The following SLC24A2 variants were observed in gnomAD, a reference collection of about 807,000 sequenced individuals.
SLC24A2 encodes the protein solute carrier family 24 member 2, also known as sodium/potassium/calcium exchanger 2.
In SLC24A2, 36 loss-of-function variants were observed where a neutral mutation model predicts 62.0. That is an observed-to-expected ratio of 0.58 (90% CI 0.44 to 0.77). SLC24A2 has a LOEUF of 0.77. SLC24A2 is among the 30% of genes least tolerant of loss of function. The pLI, the probability that SLC24A2 is intolerant of heterozygous loss-of-function variation, is 0.00. For synonymous variants in SLC24A2, 358 were observed against 294.0 expected, an observed-to-expected ratio of 1.22 and a Z score of -2.23; for missense variants, 846 against 817.9, an observed-to-expected ratio of 1.03 and a Z score of -0.42.
chr9:19,907,466 GT>G, the SLC24A2 span, among the ~76,000 whole-genome samples: 1 of 152,208 alleles, frequency 6.6e-6, no homozygotes, highest in South Asian at 2.1e-4. Context: ...AGTGTTGGAA[GT>G]TCTAGCCAGG....
intron 2 of SLC24A2, among the ~76,000 whole-genome samples, chr9:19,713,743 C>T (rs1475160569): frequency 6.6e-6 from 1 of 152,100 alleles, no homozygotes; most frequent in Non-Finnish European, 1.5e-5. Context: ...GAAATTTAAT[C>T]ATGTGCTGAA....
the SLC24A2 span, among the ~76,000 whole-genome samples, chr9:19,955,835 C>G: frequency 6.6e-6 from 1 of 152,174 alleles, no homozygotes; most frequent in Non-Finnish European, 1.5e-5. Context: ...TAGTTACTAT[C>G]TTCTTTTCTT....
chr9:20,106,981 G>C, the SLC24A2 span, among the ~76,000 whole-genome samples: 1 of 152,194 alleles, frequency 6.6e-6, no homozygotes, highest in Non-Finnish European at 1.5e-5. Flanking sequence ...TCCTTAAGCT[G>C]ATAAGCAACT....
At chr9:20,027,501 A>G in the SLC24A2 span, among the ~76,000 whole-genome samples, 8 of 152,198 alleles carry the variant, frequency 5.3e-5, no homozygotes, top group Non-Finnish European at 1.0e-4. Flanking sequence ...TGTTTGTGAC[A>G]ATATTGATGA....
At chr9:20,078,994 C>T in the SLC24A2 span, among the ~76,000 whole-genome samples, 1 of 152,090 alleles carries the variant, frequency 6.6e-6, no homozygotes, top group Non-Finnish European at 1.5e-5. Flanking sequence ...GTATGCTAAC[C>T]CCTAGAACAT....
the SLC24A2 span, among the ~76,000 whole-genome samples, chr9:19,821,552 G>A: frequency 3.3e-5 from 5 of 152,230 alleles, no homozygotes; most frequent in East Asian, 9.6e-4. Flanking sequence ...AACTTCTGAA[G>A]TCTTAATGAT....
chr9:20,056,413 C>T, the SLC24A2 span, among the ~76,000 whole-genome samples: 1 of 152,188 alleles, frequency 6.6e-6, no homozygotes, highest in Non-Finnish European at 1.5e-5. Flanking sequence ...TCATGACCAT[C>T]TGCAAAATAC....
At chr9:19,642,065 G>A (rs541455997) in intron 2 of SLC24A2, among the ~76,000 whole-genome samples, 1 of 152,266 alleles carries the variant, frequency 6.6e-6, no homozygotes, top group African/African-American at 2.4e-5. Context: ...GGAAGTGTGT[G>A]TGAGTAGGAG....
chr9:19,596,941 G>A lies in SLC24A2; in HGVS notation c.1129+288C>T, dbSNP rs535692729. Reference sequence around the variant, plus strand: ...TGAGCATGTGGGGGAAAGTACTGGCGCAGTGGGTATTTGTGTTTACATTAC... The same window carrying A: ...TGAGCATGTGGGGGAAAGTACTGGCACAGTGGGTATTTGTGTTTACATTAC... On this transcript the variant is annotated intron_variant, in intron 5 of 10. Coordinates refer to ENST00000341998, the MANE Select transcript of SLC24A2 (RefSeq NM_020344.4). Among the ~76,000 whole-genome samples the A allele has an allele frequency of 2.1e-3, 324 of 152,276 alleles. 1 individual carries two copies. Among genetic ancestry groups the A allele is most frequent in the South Asian group, 5.2e-3 (25 of 4,818 alleles).
chr9:20,227,626 A>G, the SLC24A2 span, among the ~76,000 whole-genome samples: 5 of 152,024 alleles, frequency 3.3e-5, no homozygotes, highest in African/African-American at 9.7e-5. Context: ...ATATAACAAA[A>G]ATAGTGTCTC....
At chr9:19,697,021 T>C (rs904475604) in intron 2 of SLC24A2, among the ~76,000 whole-genome samples, 1 of 152,096 alleles carries the variant, frequency 6.6e-6, no homozygotes, top group Non-Finnish European at 1.5e-5. Flanking sequence ...ATACTAAGCA[T>C]TGGGGTAAAT....
At chr9:19,709,672 G>A (rs56328301) in intron 2 of SLC24A2, among the ~76,000 whole-genome samples, 27,068 of 147,750 alleles carry the variant, frequency 0.18, 2,667 homozygotes, top group Middle Eastern at 0.24. Context: ...ACCAAACACC[G>A]CATGTTCTCA....
At chr9:20,194,192 T>C in the SLC24A2 span, among the ~76,000 whole-genome samples, 1 of 152,164 alleles carries the variant, frequency 6.6e-6, no homozygotes, top group South Asian at 2.1e-4. Flanking sequence ...CTTTTAAGCA[T>C]GTCATGAAAA....
At chr9:19,569,655 C>T (rs1835783255) in intron 7 of SLC24A2, among the ~76,000 whole-genome samples, 1 of 152,134 alleles carries the variant, frequency 6.6e-6, no homozygotes, top group African/African-American at 2.4e-5. Flanking sequence ...CACCGTGGCG[C>T]CAGGGATCTT....
the SLC24A2 span, among the ~76,000 whole-genome samples, chr9:19,843,986 A>G: frequency 3.9e-5 from 6 of 152,194 alleles, no homozygotes; most frequent in Non-Finnish European, 7.3e-5. Flanking sequence ...CAGTGAACGT[A>G]CGAGTGCATG....
the SLC24A2 span, among the ~76,000 whole-genome samples, chr9:20,115,485 C>A: frequency 6.6e-6 from 1 of 152,056 alleles, no homozygotes; most frequent in Non-Finnish European, 1.5e-5. Flanking sequence ...CCTCCAATTT[C>A]CTTTAATTCA....
chr9:19,916,954 T>C, the SLC24A2 span, among the ~76,000 whole-genome samples: 2 of 150,824 alleles, frequency 1.3e-5, no homozygotes, highest in African/African-American at 4.8e-5. Flanking sequence ...TCCAAGTTCT[T>C]TATGTATAGG....
At chr9:19,821,166 C>A in the SLC24A2 span, among the ~76,000 whole-genome samples, 9 of 151,864 alleles carry the variant, frequency 5.9e-5, no homozygotes, top group African/African-American at 2.2e-4. Context: ...CAGAGTCATG[C>A]CTATTTGTAC....
Position 19,511,617 on chromosome 9 carries a change from G to C in SLC24A2, c.*4536C>G, listed in dbSNP as rs1832719983. ...AATTGAAGACAGTATTGTTGAGACA[G>C]GTATAGGGGTTGAGGAGGTATCTTT... On this transcript the variant is annotated 3_prime_UTR_variant, in exon 11 of 11. Transcript: ENST00000341998. 1 of 152,144 alleles carries C rather than the reference G, an allele frequency of 6.6e-6. No individual in the cohort carries two copies. The highest frequency in any genetic ancestry group is 2.4e-5 in the African/African-American group (1 of 41,408). 9.4% of individuals were successfully genotyped at this position (152,144 alleles called of 1,614,324 possible). A position where few individuals can be genotyped will look rare whatever the true frequency, so the allele number is the denominator to read the frequency against.
Sources: gnomAD v4.1 joint callset for allele counts (sites outside exome capture counted in the v4.1 genomes callset) on GRCh38, gnomAD v4.1.1 for gene constraint, MANE v1.5 for transcripts, NCBI Gene and HGNC (gene_info 2026-07-23, HGNC 2026-07-21) for gene names.